The following CYS1 variants were observed in gnomAD, a reference collection of about 807,000 sequenced individuals.
CYS1 encodes cystin 1.
CYS1 carries 5 observed loss-of-function variants against 9.6 expected under a neutral mutation model. The observed-to-expected ratio is 0.52, with a 90% CI of 0.27 to 1.10. CYS1 has a LOEUF of 1.10. CYS1 is among the 50% of genes least tolerant of loss of function. The probability of loss-of-function intolerance (pLI) is 0.11; values close to 1 mark genes in which losing one functional copy is unlikely to be tolerated. For missense variants in CYS1, 221 were observed against 207.9 expected (o/e 1.06, Z -0.39); for synonymous variants, 88 against 95.7 (o/e 0.92, Z 0.47).
Position 10,058,017 on chromosome 2 carries a change from T to G in CYS1, c.*836A>C, listed in dbSNP as rs1661575012. 6.6e-6 allele frequency: 1 copy of G among 152,254 alleles called. No homozygotes were observed. The highest frequency in any genetic ancestry group is 2.1e-4 in the South Asian group (1 of 4,824). The allele number at this position is 152,254 out of a possible 1,614,324, so 9.4% of individuals were successfully genotyped here. A position where few individuals can be genotyped will look rare whatever the true frequency, so the allele number is the denominator to read the frequency against. On this transcript the variant is annotated 3_prime_UTR_variant, in exon 3 of 3. Coordinates refer to ENST00000381813, the MANE Select transcript of CYS1 (RefSeq NM_001037160.3). ...GTGAGAGGGAGAACTGGAAAGCCAG[T>G]ATCAGGCAGACCCTCTCCCGGTTGG...
chr2:10,065,829 A>T, intron 2 of CYS1, 75 bp downstream of exon 2: 1 of 1,446,366 alleles, frequency 6.9e-7, no homozygotes, highest in Non-Finnish European at 9.7e-7. Context: ...GGGGGACAGG[A>T]GGGCTCTGAG....
Position 10,065,921 on chromosome 2 carries a change from C to T in CYS1, c.354G>A (p.Gly118=), listed in dbSNP as rs979639402. 1 of 1,614,188 alleles carries T rather than the reference C, an allele frequency of 6.2e-7. No individual in the cohort carries two copies. The highest frequency in any genetic ancestry group is 2.2e-5 in the East Asian group (1 of 44,886). Residue 118 remains glycine (G), a synonymous_variant, in exon 2 of 3, where the codon GGG becomes GGA. Coordinates refer to ENST00000381813, the MANE Select transcript of CYS1 (RefSeq NM_001037160.3). ...CAEQSTEGHP[G]SGNVSEAPGS... ...GTACTTACTCAGAGACATTGCCGCT[C>T]CCCGGGTGGCCCTCTGTGCTCTGCT...
At position 10,057,320 on chromosome 2, in the gene CYS1, T is replaced by G. The variant is rs914555729; in HGVS notation, c.*1533A>C. On this transcript the variant is annotated 3_prime_UTR_variant, in exon 3 of 3. Coordinates refer to ENST00000381813, the MANE Select transcript of CYS1 (RefSeq NM_001037160.3). ...TGAGCCACGCCCTTGCGGGGGCCGC[T>G]CCAAGCTCTGACTTCAAAAGTTGGA... The G allele has an allele frequency of 2.0e-5, 3 of 152,256 alleles. No homozygotes were observed. Among genetic ancestry groups the G allele is most frequent in the Admixed American group, 1.3e-4 (2 of 15,288 alleles). The allele number at this position is 152,256 out of a possible 1,614,324, so 9.4% of individuals were successfully genotyped here.
chr2:10,057,307 T>C lies in CYS1; in HGVS notation c.*1546A>G, dbSNP rs1661563637. On this transcript the variant is annotated 3_prime_UTR_variant, in exon 3 of 3. Coordinates refer to ENST00000381813, the MANE Select transcript of CYS1 (RefSeq NM_001037160.3). ...TCTGGGGAGGGTTTGAGCCACGCCC[T>C]TGCGGGGGCCGCTCCAAGCTCTGAC... The C allele has an allele frequency of 6.6e-6, 1 of 152,272 alleles. No homozygotes were observed. The highest frequency in any genetic ancestry group is 2.4e-5 in the African/African-American group (1 of 41,482). The allele number at this position is 152,272 out of a possible 1,614,324, so 9.4% of individuals were successfully genotyped here.
In CYS1 at chr2:10,076,964, A is replaced by G. The variant is rs1388506709; in HGVS notation, c.318+2942T>C. ...GATGTCTGACAGGCATCTCAAATTT[A>G]ACATACTGAAAACCAACTTCCTGGT... On this transcript the variant is annotated intron_variant, in intron 1 of 2. Transcript: ENST00000381813. The surrounding 1 kb of genome is among the most constrained non-coding windows in gnomAD (Gnocchi z 4.3). Among the ~76,000 whole-genome samples the G allele has an allele frequency of 3.3e-5, 5 of 152,144 alleles. No homozygotes were observed. Among genetic ancestry groups the G allele is most frequent in the African/African-American group, 4.8e-5 (2 of 41,428 alleles).
chr2:10,077,292 AAAAAAC>A (rs1389045837), intron 1 of CYS1, among the ~76,000 whole-genome samples: 1 of 152,176 alleles, frequency 6.6e-6, no homozygotes, highest in Non-Finnish European at 1.5e-5. Context: ...ACTCTGTCTC[AAAAAAC>A]AAAAACAAAA....
chr2:10,080,351 A>G lies in CYS1; in HGVS notation c.-128T>C, dbSNP rs1028583085. The G allele has an allele frequency of 3.3e-5, 16 of 478,274 alleles. No homozygotes were observed. In the Admixed American group the frequency reaches 5.1e-4, roughly 15 times the overall value. 29.6% of individuals were successfully genotyped at this position (478,274 alleles called of 1,614,324 possible). The stretch of plus-strand genomic sequence containing the variant: ...GGCGCGGGGCGAGGTCCGGGAAGCG[A>G]CCGCGGCCAGGGGCTAGGGTTCCCG... On this transcript the variant is annotated 5_prime_UTR_variant, in exon 1 of 3. Coordinates refer to ENST00000381813, the MANE Select transcript of CYS1 (RefSeq NM_001037160.3). This position sits in a 1 kb window ranked among gnomAD's most constrained non-coding sequence, Gnocchi z 6.4.
At chr2:10,071,449 T>C (rs1572458990) in intron 1 of CYS1, among the ~76,000 whole-genome samples, 2 of 152,342 alleles carry the variant, frequency 1.3e-5, no homozygotes, top group African/African-American at 4.8e-5. Flanking sequence ...CACTGCAGCT[T>C]CAGGGCAGCC....
At chr2:10,067,165 G>A (rs1016661559) in intron 1 of CYS1, among the ~76,000 whole-genome samples, 18 of 151,914 alleles carry the variant, frequency 1.2e-4, no homozygotes, top group Admixed American at 7.9e-4. Context: ...ACAGGTGCCC[G>A]CCACCACACG....
At chr2:10,059,036 G>T in intron 2 of CYS1, 78 bp from the exon 3 acceptor site, 1 of 1,335,520 alleles carries the variant, frequency 7.5e-7, no homozygotes, top group Non-Finnish European at 1.0e-6. Flanking sequence ...CCACCACAAT[G>T]GCTCCTAGTG....
rs1452631528 is a variant in CYS1, at chr2:10,080,229, G to A, written c.-6C>T. 5.7e-6 allele frequency: 6 copies of A among 1,047,484 alleles called. No individual in the cohort carries two copies. Among genetic ancestry groups the A allele is most frequent in the African/African-American group, 3.4e-5 (2 of 58,128 alleles). 64.9% of individuals were successfully genotyped at this position (1,047,484 alleles called of 1,614,324 possible). Reference sequence around the variant, plus strand: ...CGGCTGCTGCCGCTGCCCATGGCGCGCCCGCCGCCTCCCGGACCGCCGAGG... The same window carrying A: ...CGGCTGCTGCCGCTGCCCATGGCGCACCCGCCGCCTCCCGGACCGCCGAGG... On this transcript the variant is annotated 5_prime_UTR_variant, in exon 1 of 3. Transcript: ENST00000381813. The surrounding 1 kb of genome is among the most constrained non-coding windows in gnomAD (Gnocchi z 6.4).
intron 1 of CYS1, among the ~76,000 whole-genome samples, chr2:10,075,218 C>T (rs1480988490): frequency 6.6e-6 from 1 of 152,230 alleles, no homozygotes. Context: ...CATTAGTGAT[C>T]CTTTAGAACC....
chr2:10,056,607 C>T lies in CYS1; in HGVS notation c.*2246G>A, dbSNP rs955648259. Among the ~76,000 whole-genome samples the T allele has an allele frequency of 2.6e-5, 4 of 152,254 alleles. No homozygotes were observed. Among genetic ancestry groups the T allele is most frequent in the Admixed American group, 1.3e-4 (2 of 15,292 alleles). On this transcript the variant is annotated 3_prime_UTR_variant, in exon 3 of 3. Transcript: ENST00000381813. Reference sequence around the variant, plus strand: ...AATCCCACACGCAGTTCTAGCAGGACGCTGAGGCTCAGCTGCAACATGGGG... The same window carrying T: ...AATCCCACACGCAGTTCTAGCAGGATGCTGAGGCTCAGCTGCAACATGGGG...
chr2:10,074,757 T>C (rs1309973786), intron 1 of CYS1, among the ~76,000 whole-genome samples: 1 of 152,220 alleles, frequency 6.6e-6, no homozygotes, highest in Non-Finnish European at 1.5e-5. Flanking sequence ...CAAACCCGTC[T>C]CATTGGTTTC....
At position 10,065,935 on chromosome 2, in the gene CYS1, C is replaced by G. The variant is rs373915269; in HGVS notation, c.340G>C (p.Glu114Gln). The change falls in exon 2 of 3, where the codon GAG becomes CAG. Residue 114 changes from glutamate (E) to glutamine (Q), a missense_variant. Coordinates refer to ENST00000381813, the MANE Select transcript of CYS1 (RefSeq NM_001037160.3). ...ACATTGCCGCTCCCCGGGTGGCCCT[C>G]TGTGCTCTGCTCTGCGCACACCTTG... Reference protein sequence around the residue: ...GSAVCAEQSTEGHPGSGNVSE... With the variant: ...GSAVCAEQSTQGHPGSGNVSE... 5 of 1,614,124 alleles carry G rather than the reference C, an allele frequency of 3.1e-6. No individual in the cohort carries two copies. Among genetic ancestry groups the G allele is most frequent in the Non-Finnish European group, 3.4e-6 (4 of 1,180,050 alleles).
At chr2:10,070,869 C>A (rs917019032) in intron 1 of CYS1, among the ~76,000 whole-genome samples, 1 of 152,190 alleles carries the variant, frequency 6.6e-6, no homozygotes, top group Non-Finnish European at 1.5e-5. Flanking sequence ...GTCTTGTACT[C>A]CTGAGCTCAA....
chr2:10,070,177 G>A (rs1661746924), intron 1 of CYS1, among the ~76,000 whole-genome samples: 1 of 152,114 alleles, frequency 6.6e-6, no homozygotes, highest in Non-Finnish European at 1.5e-5. Flanking sequence ...CGACAACAGC[G>A]TCTTCATGCT....
At chr2:10,069,284 TGAA>T (rs955126024) in intron 1 of CYS1, among the ~76,000 whole-genome samples, 5 of 152,086 alleles carry the variant, frequency 3.3e-5, no homozygotes, top group Admixed American at 2.6e-4. Context: ...ATTAAGAAAA[TGAA>T]GATATTTTCA....
intron 2 of CYS1, among the ~76,000 whole-genome samples, chr2:10,061,970 T>C (rs1266582700): frequency 6.6e-6 from 1 of 152,076 alleles, no homozygotes; most frequent in African/African-American, 2.4e-5. Context: ...TAAATTCTCA[T>C]TTACTGTCAG....
Sources: gnomAD v4.1 joint callset for allele counts (sites outside exome capture counted in the v4.1 genomes callset) on GRCh38, gnomAD v4.1.1 for gene constraint, Gnocchi (gnomAD v3.1) non-coding constraint, MANE v1.5 for transcripts, NCBI Gene and HGNC (gene_info 2026-07-23, HGNC 2026-07-21) for gene names.